CSMD1: variants seen among roughly 807,000 people sequenced by gnomAD.
The protein encoded by CSMD1 is CUB and Sushi multiple domains 1.
A neutral mutation model predicts 417.5 loss-of-function variants in CSMD1; 213 were observed. That is an observed-to-expected ratio of 0.51 (90% CI 0.46 to 0.57). The LOEUF is 0.57. Ranked by LOEUF, CSMD1 falls within the 20% of genes least tolerant of loss-of-function variation. The probability of loss-of-function intolerance (pLI) is 0.00; values close to 1 mark genes in which losing one functional copy is unlikely to be tolerated. For missense variants in CSMD1, 6,923 were observed against 4,529.7 expected, an observed-to-expected ratio of 1.53 and a Z score of -15.17; for synonymous variants, 2,862 against 1,736.8, an observed-to-expected ratio of 1.65 and a Z score of -16.11.
At chr8:2,994,013 A>T (rs955910964) in intron 54 of CSMD1, among the ~76,000 whole-genome samples, 2 of 151,016 alleles carry the variant, frequency 1.3e-5, no homozygotes, top group African/African-American at 4.9e-5. Flanking sequence ...AATTAGCTGG[A>T]CATATTGGCA....
chr8:3,716,894 A>C (rs996615144), intron 6 of CSMD1, among the ~76,000 whole-genome samples: 3 of 152,230 alleles, frequency 2.0e-5, no homozygotes, highest in African/African-American at 4.8e-5. Context: ...TATTTTGTAC[A>C]TGGTACTAAA....
chr8:3,159,518 T>G (rs1819748467), intron 38 of CSMD1, among the ~76,000 whole-genome samples: 1 of 152,236 alleles, frequency 6.6e-6, no homozygotes. Flanking sequence ...ACGTGTGAAC[T>G]ATGCAAGGAA....
chr8:4,440,657 T>G (rs1330727086), intron 2 of CSMD1, among the ~76,000 whole-genome samples: 1 of 152,218 alleles, frequency 6.6e-6, no homozygotes, highest in Admixed American at 6.5e-5. Context: ...TGCATACATT[T>G]GTGCTGCTTG....
chr8:4,345,614 A>G (rs1459689839), intron 3 of CSMD1, among the ~76,000 whole-genome samples: 3 of 152,132 alleles, frequency 2.0e-5, no homozygotes, highest in East Asian at 1.9e-4. Context: ...AACAAAAACA[A>G]AAAGTACCAA....
chr8:4,241,830 C>T (rs1802424384), intron 3 of CSMD1, among the ~76,000 whole-genome samples: 2 of 151,902 alleles, frequency 1.3e-5, no homozygotes, highest in Admixed American at 1.3e-4. Flanking sequence ...CCTGTCTCAG[C>T]CTCCCAAGTA....
chr8:4,101,890 A>G (rs912615054), intron 3 of CSMD1, among the ~76,000 whole-genome samples: 2 of 152,176 alleles, frequency 1.3e-5, no homozygotes, highest in Non-Finnish European at 2.9e-5. Flanking sequence ...GTTAACAACT[A>G]CTATCTCTCC....
chr8:3,305,335 T>C (rs1054765334), intron 25 of CSMD1, among the ~76,000 whole-genome samples: 4 of 152,220 alleles, frequency 2.6e-5, no homozygotes, highest in African/African-American at 9.6e-5. Context: ...AATGAGTTAT[T>C]ATAAAATAGT....
chr8:3,291,902 C>G (rs943072151), intron 25 of CSMD1, among the ~76,000 whole-genome samples: 7 of 152,030 alleles, frequency 4.6e-5, no homozygotes, highest in Middle Eastern at 6.8e-3. Flanking sequence ...TTTTCTAGTT[C>G]TTTTAATTGT....
chr8:4,266,890 GGAA>G lies in CSMD1; in HGVS notation c.415+153060_415+153062del, dbSNP rs1337753203. On this transcript the variant is annotated intron_variant, in intron 3 of 69. Transcript: ENST00000635120. ...ACATATTAATTCAACGTGTTAAGAT[GGAA>G]GAAGAAACAAACTGATTAATAAAAA... is the stretch of plus-strand genomic sequence containing the variant. Among the ~76,000 whole-genome samples, 7 of 103,698 alleles carry G rather than the reference GGAA, an allele frequency of 6.8e-5. 1 individual carries two copies. The highest frequency in any genetic ancestry group is 1.8e-4 in the African/African-American group (7 of 38,152). The allele number at this position is 103,698 out of a possible 152,430, so 68.0% of individuals were successfully genotyped here. A position where few individuals can be genotyped will look rare whatever the true frequency, so the allele number is the denominator to read the frequency against.
At chr8:4,526,320 A>G (rs1272884158) in intron 2 of CSMD1, among the ~76,000 whole-genome samples, 1 of 152,242 alleles carries the variant, frequency 6.6e-6, no homozygotes, top group South Asian at 2.1e-4. Context: ...TGTCAGAAAT[A>G]CTTTTGCAAA....
intron 6 of CSMD1, among the ~76,000 whole-genome samples, chr8:3,752,695 A>AC (rs1169115971): frequency 5.7e-5 from 6 of 105,772 alleles, no homozygotes; most frequent in African/African-American, 1.6e-4. Context: ...AAAAAAAAAA[A>AC]AAAAAAAAAC....
intron 37 of CSMD1, among the ~76,000 whole-genome samples, chr8:3,169,354 T>G (rs1201675931): frequency 1.3e-5 from 2 of 151,442 alleles, no homozygotes; most frequent in Non-Finnish European, 2.9e-5. Context: ...ACATCAAACA[T>G]GAAAAAGAAA....
chr8:2,961,324 A>C, intron 61 of CSMD1, 110 bp from the exon 62 acceptor site: 1 of 530,358 alleles, frequency 1.9e-6, no homozygotes, highest in East Asian at 3.4e-5. Flanking sequence ...TTGTTTTGAG[A>C]AATGTGCAAG....
rs535321754 is a variant in CSMD1, at chr8:3,692,539, T to C, written c.1009+15875A>G. ...TCACTACAACCTTCACATCCTGTGTTCTCTCCTGCCTCAGCCTCCCGAGCA... is the reference window on the plus strand; with the variant it reads ...TCACTACAACCTTCACATCCTGTGTCCTCTCCTGCCTCAGCCTCCCGAGCA... On this transcript the variant is annotated intron_variant, in intron 7 of 69. Coordinates refer to ENST00000635120, the MANE Select transcript of CSMD1 (RefSeq NM_033225.6). 1.1e-3 allele frequency among the ~76,000 whole-genome samples: 172 copies of C among 152,120 alleles called. 1 individual carries two copies. The highest frequency in any genetic ancestry group is 2.1e-3 in the Non-Finnish European group (140 of 67,974).
chr8:3,558,515 CAT>C (rs1799295981), intron 10 of CSMD1, among the ~76,000 whole-genome samples: 1 of 149,658 alleles, frequency 6.7e-6, no homozygotes, highest in South Asian at 2.1e-4. Flanking sequence ...AATGGTACCC[CAT>C]GTCGACTCCT....
At chr8:4,589,068 G>C in intron 2 of CSMD1, among the ~76,000 whole-genome samples, 1 of 151,796 alleles carries the variant, frequency 6.6e-6, no homozygotes, top group East Asian at 1.9e-4. Context: ...TGTAAAAATA[G>C]AAAAATAAAA....
intron 1 of CSMD1, among the ~76,000 whole-genome samples, chr8:4,959,319 C>T (rs1420923730): frequency 6.6e-6 from 1 of 152,094 alleles, no homozygotes; most frequent in Non-Finnish European, 1.5e-5. Context: ...ATTTCTGGGA[C>T]CTTCTTATTC....
At chr8:4,644,845 G>A (rs372187819) in intron 1 of CSMD1, among the ~76,000 whole-genome samples, 2 of 152,212 alleles carry the variant, frequency 1.3e-5, no homozygotes, top group African/African-American at 2.4e-5. Flanking sequence ...TTGTTTATAT[G>A]CCCATTTCTA....
At chr8:2,986,357 G>A (rs1291689985) in intron 54 of CSMD1, among the ~76,000 whole-genome samples, 1 of 152,114 alleles carries the variant, frequency 6.6e-6, no homozygotes, top group Non-Finnish European at 1.5e-5. Flanking sequence ...CTCCCAGGAA[G>A]TCGAGCATGA....
Sources: allele counts gnomAD v4.1 joint callset (sites outside exome capture counted in the v4.1 genomes callset), GRCh38; gene constraint gnomAD v4.1.1; transcripts MANE v1.5; gene names NCBI Gene and HGNC (gene_info 2026-07-23, HGNC 2026-07-21).